The following TPH1 variants were observed in gnomAD, a reference collection of about 807,000 sequenced individuals.
TPH1 encodes tryptophan hydroxylase 1.
In TPH1, 37 loss-of-function variants were observed where a neutral mutation model predicts 49.5. The ratio of observed to expected loss-of-function variants is 0.75; its 90% confidence interval spans 0.58 to 0.98. TPH1 has a LOEUF of 0.98. TPH1 is among the 50% of genes least tolerant of loss of function. The probability of loss-of-function intolerance (pLI) is 0.00; values close to 1 mark genes in which losing one functional copy is unlikely to be tolerated. For synonymous variants in TPH1, 160 were observed against 182.1 expected (o/e 0.88, Z 0.98); for missense variants, 487 against 523.6 (o/e 0.93, Z 0.68).
At chr11:18,042,016 G>C (rs1848102420) in intron 1 of TPH1, among the ~76,000 whole-genome samples, 1 of 152,158 alleles carries the variant, frequency 6.6e-6, no homozygotes. Context: ...AAGCAGAAAA[G>C]AAGGGACACT....
chr11:18,029,604 AAT>A (rs1297071104), intron 4 of TPH1, 25 bp from the exon 5 acceptor site: 11 of 1,571,440 alleles, frequency 7.0e-6, no homozygotes, highest in Non-Finnish European at 9.6e-6. Context: ...TATGTTTTTA[AAT>A]ATCCATACTA....
At position 18,036,108 on chromosome 11, in the gene TPH1, C is replaced by T. The variant is rs371853974; in HGVS notation, c.152G>A (p.Arg51Gln). Residue 51 changes from arginine (R) to glutamine (Q), a missense_variant, in exon 3 of 11, where the codon CGA becomes CAA. Arg to Gln is a conservative substitution (Grantham distance 43, BLOSUM62 1). Coordinates refer to ENST00000682019, the MANE Select transcript of TPH1 (RefSeq NM_004179.3). ...TTCTGAGTTTCTTCTTTTTGATTTT[C>T]GGGACTCGATATGTAACAGATTCAC... ...KHVNLLHIES[R>Q]KSKRRNSEFE... The T allele has an allele frequency of 6.1e-5, 98 of 1,613,190 alleles. No homozygotes were observed. In the East Asian group the frequency reaches 7.6e-4, roughly 12 times the overall value.
intron 1 of TPH1, among the ~76,000 whole-genome samples, chr11:18,044,127 C>T (rs190459616): frequency 5.5e-4 from 83 of 152,188 alleles, no homozygotes; most frequent in Admixed American, 4.4e-3. Context: ...TATTTAAAGA[C>T]ATACATTATT....
chr11:18,019,860 T>C lies in TPH1; in HGVS notation c.*1131A>G. The C allele has an allele frequency of 2.5e-6, 1 of 401,948 alleles. No homozygotes were observed. The highest frequency in any genetic ancestry group is 4.9e-6 in the Non-Finnish European group (1 of 202,204). The allele number at this position is 401,948 out of a possible 1,614,324, so 24.9% of individuals were successfully genotyped here. ...CACAGCTGACTCTGCATAAAAACCATTCCTTGGCAATCCTTACATTACTTA... is the reference window on the plus strand; with the variant it reads ...CACAGCTGACTCTGCATAAAAACCACTCCTTGGCAATCCTTACATTACTTA... On this transcript the variant is annotated 3_prime_UTR_variant, in exon 11 of 11. Coordinates refer to ENST00000682019, the MANE Select transcript of TPH1 (RefSeq NM_004179.3).
chr11:18,036,385 T>G (rs537483139), intron 2 of TPH1, among the ~76,000 whole-genome samples: 1 of 152,334 alleles, frequency 6.6e-6, no homozygotes, highest in East Asian at 1.9e-4. Flanking sequence ...TAGAGGTCCT[T>G]CAGATGTCAG....
chr11:18,022,068 G>A (rs879649234), intron 10 of TPH1, among the ~76,000 whole-genome samples: 13 of 152,154 alleles, frequency 8.5e-5, no homozygotes, highest in South Asian at 2.1e-4. Flanking sequence ...AACCCCTATC[G>A]ATCTCCATCA....
intron 3 of TPH1, among the ~76,000 whole-genome samples, chr11:18,035,012 A>G (rs975778950): frequency 1.3e-5 from 2 of 152,192 alleles, no homozygotes; most frequent in African/African-American, 4.8e-5. Context: ...CACAACCTAG[A>G]TCCCTCGCAC....
At chr11:18,026,823 T>G (rs1402720043) in intron 6 of TPH1, among the ~76,000 whole-genome samples, 198 bp from the exon 7 acceptor site, 2 of 152,150 alleles carry the variant, frequency 1.3e-5, no homozygotes, top group African/African-American at 4.8e-5. Context: ...CTTTTACATA[T>G]CACATCTCCT....
chr11:18,023,408 T>C (rs1180356304), intron 9 of TPH1, among the ~76,000 whole-genome samples: 1 of 152,182 alleles, frequency 6.6e-6, no homozygotes, highest in Non-Finnish European at 1.5e-5. Flanking sequence ...ATAGAAGTTA[T>C]TGCTAGCATA....
chr11:18,023,757 A>T, intron 9 of TPH1, 131 bp downstream of exon 9: 1 of 675,438 alleles, frequency 1.5e-6, no homozygotes, highest in Middle Eastern at 3.9e-4. Context: ...AGAAAAATAC[A>T]TTCAGGTAAT....
Position 18,040,808 on chromosome 11 carries a change from A to C in TPH1, c.-26-20T>G. On this transcript the variant is annotated intron_variant, in intron 1 of 10. Coordinates refer to ENST00000682019, the MANE Select transcript of TPH1 (RefSeq NM_004179.3). ...CTAAAACTAAAGTATGAAAACAAAG[A>C]CTACGGGCTAAAAAAGAAGTTGCAC... The C allele has an allele frequency of 6.3e-7, 1 of 1,599,154 alleles. No individual in the cohort carries two copies. The highest frequency in any genetic ancestry group is 2.3e-5 in the East Asian group (1 of 44,330).
In TPH1 at chr11:18,026,519, G is replaced by A; in HGVS notation, c.774C>T (p.His258=). 6.2e-7 allele frequency: 1 copy of A among 1,612,540 alleles called. No homozygotes were observed. Among genetic ancestry groups the A allele is most frequent in the East Asian group, 2.2e-5 (1 of 44,810 alleles). Residue 258 remains histidine (H), a synonymous_variant, in exon 7 of 11, where the codon CAC becomes CAT. Transcript: ENST00000682019. ...CTGGGGTATAGAAGGGATCTGAACT[G>A]TGTCTCACATATTGAGTGCAGTGAA... The part of the protein sequence containing the change: ...RVFHCTQYVR[H]SSDPFYTPEP...
At chr11:18,031,975 C>G (rs1847992837) in intron 4 of TPH1, among the ~76,000 whole-genome samples, 1 of 152,044 alleles carries the variant, frequency 6.6e-6, no homozygotes, top group South Asian at 2.1e-4. Flanking sequence ...TTTAGCTTTT[C>G]AACTAGACTA....
chr11:18,032,703 G>A (rs566159721), intron 4 of TPH1, among the ~76,000 whole-genome samples: 221 of 151,124 alleles, frequency 1.5e-3, no homozygotes, highest in Non-Finnish European at 2.1e-3. Context: ...CCGCCACCAC[G>A]CCCGGCTAAT....
intron 4 of TPH1, among the ~76,000 whole-genome samples, chr11:18,031,224 A>G (rs1206752039): frequency 6.6e-6 from 1 of 152,154 alleles, no homozygotes; most frequent in African/African-American, 2.4e-5. Context: ...ACAATATGGG[A>G]CCTTTTGTCA....
intron 1 of TPH1, among the ~76,000 whole-genome samples, chr11:18,045,722 G>A (rs1848134916): frequency 1.3e-5 from 2 of 152,314 alleles, no homozygotes; most frequent in East Asian, 3.9e-4. Context: ...CTGTTGGGAT[G>A]GTGGTGATGA....
Position 18,029,557 on chromosome 11 carries a change from C to G in TPH1, c.425G>C (p.Arg142Pro), listed in dbSNP as rs200405204. 6.2e-7 allele frequency: 1 copy of G among 1,612,944 alleles called. No homozygotes were observed. Among genetic ancestry groups the G allele is most frequent in the Non-Finnish European group, 8.5e-7 (1 of 1,179,364 alleles). ...DHPGFKDNVY[R>P]KRRKYFADLA... Reference sequence around the variant, plus strand: ...GTCCGCAAAATACTTTCGACGTTTACGGTAGACATTGTCTTTGAAGCCCTG... The same window carrying G: ...GTCCGCAAAATACTTTCGACGTTTAGGGTAGACATTGTCTTTGAAGCCCTG... Residue 142 changes from arginine to proline, a missense_variant, in exon 5 of 11, where the codon CGT becomes CCT. Transcript: ENST00000682019.
At position 18,036,142 on chromosome 11, in the gene TPH1, C is replaced by T; in HGVS notation, c.118G>A (p.Glu40Lys). Residue 40 changes from glutamate to lysine, a missense_variant and splice_region_variant, in exon 3 of 11, where the codon GAG becomes AAG. Transcript: ENST00000682019. ...ATATGTAACAGATTCACATGCTTCT[C>T]CTGTGTAAAGCACAGGGAAAAGATT... ...GLIKALKIFQEKHVNLLHIES... is the reference protein window; with the variant it reads ...GLIKALKIFQKKHVNLLHIES... The T allele has an allele frequency of 6.2e-7, 1 of 1,612,040 alleles. No individual in the cohort carries two copies. Among genetic ancestry groups the T allele is most frequent in the South Asian group, 1.1e-5 (1 of 90,914 alleles).
chr11:18,042,721 C>T (rs1249138511), intron 1 of TPH1, among the ~76,000 whole-genome samples: 1 of 151,978 alleles, frequency 6.6e-6, no homozygotes, highest in Non-Finnish European at 1.5e-5. Flanking sequence ...GGAATATGTC[C>T]CAAATTTTCC....
Sources: gnomAD v4.1 joint callset for allele counts (sites outside exome capture counted in the v4.1 genomes callset) on GRCh38, gnomAD v4.1.1 for gene constraint, MANE v1.5 for transcripts, NCBI Gene and HGNC (gene_info 2026-07-23, HGNC 2026-07-21) for gene names.